Variants in WDR33 observed in about 807,000 individuals in gnomAD.
The protein encoded by WDR33 is pre-mRNA 3' end processing protein WDR33.
A neutral mutation model predicts 164.9 loss-of-function variants in WDR33; 47 were observed. The observed-to-expected ratio is 0.29, with a 90% CI of 0.23 to 0.36. WDR33 has a LOEUF of 0.36. Ranked by LOEUF, WDR33 falls within the 10% of genes least tolerant of loss-of-function variation. The pLI is 1.00. For synonymous variants in WDR33, 505 were observed against 589.0 expected (o/e 0.86, Z 2.06); for missense variants, 1,137 against 1,754.1 (o/e 0.65, Z 6.28).
chr2:127,708,822 G>A lies in WDR33; in HGVS notation c.3636C>T (p.Ala1212=), dbSNP rs764149426. 20 of 1,612,590 alleles carry A rather than the reference G, an allele frequency of 1.2e-5. No homozygotes were observed. Among genetic ancestry groups the A allele is most frequent in the Non-Finnish European group, 1.6e-5 (19 of 1,179,082 alleles). The change falls in exon 21 of 22, where the codon GCC becomes GCT. Residue 1212 remains alanine (A), a synonymous_variant. Coordinates refer to ENST00000322313, the MANE Select transcript of WDR33 (RefSeq NM_018383.5). The surrounding 1 kb of genome is among the most constrained non-coding windows in gnomAD (Gnocchi z 6.7). ...DHPPHDGHSP[A]SRERSSSLQG... ...GGAGAGAAGAGGAGCGTTCTCTGCT[G>A]GCTGGGGAATGACCGTCGTGAGGGG...
intron 7 of WDR33, among the ~76,000 whole-genome samples, chr2:127,731,031 T>C (rs1159054633): frequency 1.3e-5 from 2 of 151,952 alleles, no homozygotes; most frequent in Admixed American, 1.3e-4. Context: ...CGGTGGCGCA[T>C]GCCTGTAATC....
At chr2:127,745,628 TTAAAA>T (rs1488573135) in intron 7 of WDR33, among the ~76,000 whole-genome samples, 2 of 152,174 alleles carry the variant, frequency 1.3e-5, no homozygotes, top group Non-Finnish European at 2.9e-5. Context: ...TTGATCCAAC[TTAAAA>T]TGACTATTAA....
At chr2:127,732,522 A>G (rs1348078561) in intron 7 of WDR33, among the ~76,000 whole-genome samples, 1 of 152,090 alleles carries the variant, frequency 6.6e-6, no homozygotes, top group Non-Finnish European at 1.5e-5. Flanking sequence ...GAGTCTCCCT[A>G]TGTTGGACAG....
rs1422244783 is a variant in WDR33, at chr2:127,706,701, G to A, written c.3782-149C>T. The A allele has an allele frequency of 5.6e-6, 4 of 717,008 alleles. No individual in the cohort carries two copies. The South Asian group carries it at 6.1e-5, about 11-fold the overall frequency. The allele number at this position is 717,008 out of a possible 1,614,324, so 44.4% of individuals were successfully genotyped here. ...AGTGGTATTCAGCGTACTGAGAGGTGTGCCTCTACCCTTTCCTGACCCTGC... is the reference window on the plus strand; with the variant it reads ...AGTGGTATTCAGCGTACTGAGAGGTATGCCTCTACCCTTTCCTGACCCTGC... On this transcript the variant is annotated intron_variant, in intron 21 of 21. Transcript: ENST00000322313. This position sits in a 1 kb window ranked among gnomAD's most constrained non-coding sequence, Gnocchi z 5.1.
chr2:127,770,712 TAAATA>T lies in WDR33; in HGVS notation c.204+61_204+65del. The stretch of plus-strand genomic sequence containing the variant: ...ATCTCAAAATAAATAAATAAATAAA[TAAATA>T]AATAAATAAATAAATAAATAACCAA... On this transcript the variant is annotated intron_variant, in intron 2 of 21. Coordinates refer to ENST00000322313, the MANE Select transcript of WDR33 (RefSeq NM_018383.5). The surrounding 1 kb of genome is among the most constrained non-coding windows in gnomAD (Gnocchi z 4.9). 1.2e-6 allele frequency: 1 copy of T among 824,340 alleles called. No individual in the cohort carries two copies. Among genetic ancestry groups the T allele is most frequent in the Non-Finnish European group, 1.7e-6 (1 of 600,112 alleles). 51.1% of individuals were successfully genotyped at this position (824,340 alleles called of 1,614,324 possible). A position where few individuals can be genotyped will look rare whatever the true frequency, so the allele number is the denominator to read the frequency against.
intron 7 of WDR33, among the ~76,000 whole-genome samples, chr2:127,732,117 ACAC>A (rs1686725184): frequency 2.4e-5 from 2 of 84,496 alleles, no homozygotes; most frequent in Admixed American, 2.3e-4. Flanking sequence ...CAACACACAC[ACAC>A]ACACACACAC....
At chr2:127,727,045 T>C (rs1230695881) in intron 7 of WDR33, among the ~76,000 whole-genome samples, 1 of 152,178 alleles carries the variant, frequency 6.6e-6, no homozygotes, top group Non-Finnish European at 1.5e-5. Flanking sequence ...TCGAGGCTTT[T>C]GGAGGCTGCA....
intron 4 of WDR33, among the ~76,000 whole-genome samples, chr2:127,766,871 G>C (rs1202337974): frequency 6.6e-6 from 1 of 151,980 alleles, no homozygotes; most frequent in African/African-American, 2.4e-5. Context: ...CCAGGTTCAA[G>C]TGATTCCCCT....
In WDR33 at chr2:127,713,053, G is replaced by A. The variant is rs917427432; in HGVS notation, c.3308+530C>T. 3.3e-5 allele frequency among the ~76,000 whole-genome samples: 5 copies of A among 152,158 alleles called. No individual in the cohort carries two copies. In the East Asian group the frequency reaches 7.7e-4, roughly 23 times the overall value. ...ATTACAGGCGTGAGCCACTGGTCCT[G>A]GGCTAATTCCTGTTTCTTTCTCCAC... On this transcript the variant is annotated intron_variant, in intron 18 of 21. Coordinates refer to ENST00000322313, the MANE Select transcript of WDR33 (RefSeq NM_018383.5). This position sits in a 1 kb window ranked among gnomAD's most constrained non-coding sequence, Gnocchi z 6.2.
chr2:127,739,774 C>T (rs1164963981), intron 7 of WDR33, among the ~76,000 whole-genome samples: 1 of 152,202 alleles, frequency 6.6e-6, no homozygotes, highest in South Asian at 2.1e-4. Flanking sequence ...TCCATATAGA[C>T]TTAGTTATCC....
chr2:127,788,606 G>A (rs1414871641), intron 1 of WDR33, among the ~76,000 whole-genome samples: 17 of 138,054 alleles, frequency 1.2e-4, no homozygotes, highest in African/African-American at 4.6e-4. Context: ...GCCGGGCAGA[G>A]GCACCCCTCA....
chr2:127,720,283 G>C lies in WDR33; in HGVS notation c.1742C>G (p.Pro581Arg). 2 of 1,528,726 alleles carry C rather than the reference G, an allele frequency of 1.3e-6. No homozygotes were observed. Among genetic ancestry groups the C allele is most frequent in the Non-Finnish European group, 1.8e-6 (2 of 1,138,504 alleles). The allele number at this position is 1,528,726 out of a possible 1,614,324, so 94.7% of individuals were successfully genotyped here. The change falls in exon 16 of 22, where the codon CCT becomes CGT. Residue 581 changes from proline (P) to arginine (R), a missense_variant. Physicochemically the swap from Pro to Arg is moderately radical, Grantham distance 103. Transcript: ENST00000322313. The surrounding 1 kb of genome is among the most constrained non-coding windows in gnomAD (Gnocchi z 5.9). The stretch of plus-strand genomic sequence containing the variant: ...TGGAAAAGGCTGGGGTCCGAGGAGA[G>C]GGGTGCCAGATGAGGGAGGAGGCTG... ...QIQPPPSSGT[P>R]LLGPQPFPGQ...
Position 127,713,984 on chromosome 2 carries a change from CGGGCCCATGTGATGGTTTGGA to C in WDR33, c.2886_2906del (p.Pro963_Pro969del). The C allele has an allele frequency of 6.5e-7, 1 of 1,542,046 alleles. No individual in the cohort carries two copies. The highest frequency in any genetic ancestry group is 8.7e-7 in the Non-Finnish European group (1 of 1,148,044). On this transcript the variant is annotated inframe_deletion, in exon 18 of 22. Transcript: ENST00000322313. This position sits in a 1 kb window ranked among gnomAD's most constrained non-coding sequence, Gnocchi z 6.2. ...TCTGCTCATGCCGCCTCTCTGACAT[CGGGCCCATGTGATGGTTTGGA>C]GGGCCGCGGGAGTCACCTAAAGGAA...
At chr2:127,806,393 A>T (rs975680239) in intron 1 of WDR33, among the ~76,000 whole-genome samples, 1 of 151,826 alleles carries the variant, frequency 6.6e-6, no homozygotes, top group Non-Finnish European at 1.5e-5. Context: ...TTTTTAGTAG[A>T]GACGAGGTTA....
At chr2:127,787,719 C>A (rs1573461295) in intron 1 of WDR33, among the ~76,000 whole-genome samples, 1 of 92,628 alleles carries the variant, frequency 1.1e-5, no homozygotes, top group African/African-American at 5.0e-5. Context: ...GGGGCTGACA[C>A]CCCCACCTCC....
At chr2:127,711,076 C>T (rs1446709628) in intron 18 of WDR33, among the ~76,000 whole-genome samples, 1 of 152,182 alleles carries the variant, frequency 6.6e-6, no homozygotes, top group African/African-American at 2.4e-5. Context: ...CCTTTACACT[C>T]TCACACACCA....
rs754051729 is a variant in WDR33 at position 127,709,700 on chromosome 2, G to A, written c.3465C>T (p.Thr1155=). The A allele has an allele frequency of 2.5e-6, 4 of 1,614,178 alleles. No individual in the cohort carries two copies. Among genetic ancestry groups the A allele is most frequent in the Non-Finnish European group, 3.4e-6 (4 of 1,180,030 alleles). The change falls in exon 19 of 22, where the codon ACC becomes ACT. Residue 1155 remains threonine, a synonymous_variant. Transcript: ENST00000322313. The surrounding 1 kb of genome is among the most constrained non-coding windows in gnomAD (Gnocchi z 5.0). ...CTTTAGTAACTCGCTCACCTCGTGG[G>A]GTACCCCGACCTCGACCTCTGAGAT... ...GRDLRGRGRG[T]PRGGRKGLLP...
At chr2:127,736,326 C>A in intron 7 of WDR33, 2 of 985,272 alleles carry the variant, frequency 2.0e-6, no homozygotes, top group South Asian at 4.7e-5. Flanking sequence ...GGGCCTTTAA[C>A]CTTTAATTTG....
At position 127,705,065 on chromosome 2, in the gene WDR33, C is replaced by T. The variant is rs1444826032; in HGVS notation, c.*1258G>A. On this transcript the variant is annotated 3_prime_UTR_variant, in exon 22 of 22. Transcript: ENST00000322313. This position sits in a 1 kb window ranked among gnomAD's most constrained non-coding sequence, Gnocchi z 4.5. ...CTCCTGGCTGGGTGACAGAGCAAGA[C>T]TCTGTCAAAAAAGGAAAAGAAAAAA... 1 of 166,012 alleles carries T rather than the reference C, an allele frequency of 6.0e-6. No individual in the cohort carries two copies. The highest frequency in any genetic ancestry group is 2.4e-5 in the African/African-American group (1 of 41,388). The allele number at this position is 166,012 out of a possible 1,614,324, so 10.3% of individuals were successfully genotyped here.
Sources: gnomAD v4.1 joint callset for allele counts (sites outside exome capture counted in the v4.1 genomes callset) on GRCh38, gnomAD v4.1.1 for gene constraint, Gnocchi (gnomAD v3.1) non-coding constraint, MANE v1.5 for transcripts, NCBI Gene and HGNC (gene_info 2026-07-23, HGNC 2026-07-21) for gene names.